The following RRBP1 variants were observed in gnomAD, a reference collection of about 807,000 sequenced individuals.
RRBP1 encodes ribosome binding protein 1.
Under a neutral mutation model 165.2 loss-of-function variants are expected in RRBP1, and 94 were observed. The ratio of observed to expected loss-of-function variants is 0.57; its 90% CI spans 0.48 to 0.68. The LOEUF (loss-of-function observed/expected upper bound fraction) is 0.68, where lower values mean the gene tolerates loss of function less well. Ranked by LOEUF, RRBP1 falls within the 30% of genes least tolerant of loss-of-function variation. RRBP1 has a pLI of 0.00. For synonymous variants in RRBP1, 680 were observed against 714.5 expected (o/e 0.95, Z 0.77); for missense variants, 1,676 against 1,763.0 (o/e 0.95, Z 0.88).
Position 17,629,827 on chromosome 20 carries a change from C to G in RRBP1, c.2745G>C (p.Met915Ile). ...AEKAQEQQQQMAELHSKLQSS... is the reference protein window; with the variant it reads ...AEKAQEQQQQIAELHSKLQSS... ...CCCCACTGCCGCCGCCCTTACCGGC[C>G]ATCTGCTGCTGTTGCTCCTGGGCCT... The change falls in exon 9 of 25, where the codon ATG (methionine) becomes ATC (isoleucine). Residue 915 changes from methionine to isoleucine, a missense_variant. Transcript: ENST00000377813. 6.3e-7 allele frequency: 1 copy of G among 1,597,222 alleles called. No individual in the cohort carries two copies.
At chr20:17,615,555 G>A in intron 22 of RRBP1, 26 bp from the exon 23 acceptor site, 1 of 1,568,142 alleles carries the variant, frequency 6.4e-7, no homozygotes, top group Non-Finnish European at 8.6e-7. Flanking sequence ...AGTGAGGTCT[G>A]GGTGAGACGT....
chr20:17,628,868 T>C (rs191645294), intron 9 of RRBP1, among the ~76,000 whole-genome samples: 42 of 152,384 alleles, frequency 2.8e-4, no homozygotes, highest in Non-Finnish European at 5.9e-4. Context: ...GAAGCTTTCT[T>C]TGAACACAGC....
Position 17,660,086 on chromosome 20 carries a change from T to C in RRBP1, c.422A>G (p.Lys141Arg). ...CACTTTTGCCACTTTTTTCTCCTTC[T>C]TCTTTTTGTCCTTGGGGGAGGAGGC... The part of the protein sequence containing the change: ...KLASSPKDKK[K>R]KEKKVAKVEP... The change falls in exon 3 of 25, where the codon AAG becomes AGG. Residue 141 changes from lysine to arginine, a missense_variant. This residue lies in a region of RRBP1 where 392 missense variants were observed against 382.5 expected (regional missense o/e 1.02). Coordinates refer to ENST00000377813, the MANE Select transcript of RRBP1 (RefSeq NM_001365613.2). The C allele has an allele frequency of 1.2e-6, 2 of 1,614,134 alleles. No individual in the cohort carries two copies. Among genetic ancestry groups the C allele is most frequent in the South Asian group, 1.1e-5 (1 of 91,060 alleles).
intron 20 of RRBP1, among the ~76,000 whole-genome samples, 158 bp from the exon 21 acceptor site, chr20:17,616,997 C>A (rs905535726): frequency 6.6e-6 from 1 of 152,180 alleles, no homozygotes; most frequent in Non-Finnish European, 1.5e-5. Context: ...TCTGGCCACC[C>A]CCGCCGCCAA....
At chr20:17,622,955 G>A (rs2035943400) in intron 13 of RRBP1, 1 of 152,228 alleles carries the variant, frequency 6.6e-6, no homozygotes, top group Non-Finnish European at 1.5e-5. Context: ...CCTCTGGCCT[G>A]ACGCACACCT....
chr20:17,635,526 G>T lies in RRBP1; in HGVS notation c.2456+20C>A. On this transcript the variant is annotated intron_variant, in intron 7 of 24. Transcript: ENST00000377813. ...TCCAGGGCCCTTGGGGAGGTGCTGA[G>T]GCAGGAAAGCTCAGCTTACTTGCTC... 6.4e-7 allele frequency: 1 copy of T among 1,571,048 alleles called. No individual in the cohort carries two copies. Among genetic ancestry groups the T allele is most frequent in the South Asian group, 1.1e-5 (1 of 89,058 alleles).
At chr20:17,651,546 CAATA>C (rs2036558051) in intron 3 of RRBP1, among the ~76,000 whole-genome samples, 1 of 152,154 alleles carries the variant, frequency 6.6e-6, no homozygotes. Flanking sequence ...TTCGCAGGTG[CAATA>C]CGGAAAGATG....
In RRBP1 at chr20:17,658,705, C is replaced by T. The variant is rs886363640; in HGVS notation, c.1803G>A (p.Glu601=). ...DAAANQGKKT[E]SASVQGRNTD... is the part of the protein sequence containing the mutation. The stretch of plus-strand genomic sequence containing the variant: ...TATTTCTGCCCTGGACAGAAGCTGA[C>T]TCTGTCTTTTTACCCTGATTGGCAG... The change falls in exon 3 of 25, where the codon GAG becomes GAA. Residue 601 remains glutamate, a synonymous_variant. Transcript: ENST00000377813. 4.3e-6 allele frequency: 7 copies of T among 1,614,136 alleles called. No individual in the cohort carries two copies. The highest frequency in any genetic ancestry group is 1.3e-5 in the African/African-American group (1 of 74,936).
At chr20:17,641,746 C>CCTCTGAGG in intron 5 of RRBP1, 51 bp downstream of exon 5, 3 of 1,603,992 alleles carry the variant, frequency 1.9e-6, no homozygotes, top group Non-Finnish European at 2.6e-6. Context: ...GGGCGGGGGT[C>CCTCTGAGG]CTCTGAGGAC....
At chr20:17,615,350 TG>T in intron 23 of RRBP1, 80 bp downstream of exon 23, 2 of 1,163,222 alleles carry the variant, frequency 1.7e-6, no homozygotes, top group South Asian at 1.4e-5. Context: ...CTCCCCTTCC[TG>T]GCCCCTTTCC....
chr20:17,618,442 C>T (rs6105783), intron 20 of RRBP1, among the ~76,000 whole-genome samples, 154 bp downstream of exon 20: 9,817 of 152,256 alleles, frequency 0.064, 605 homozygotes, highest in African/African-American at 0.16. Context: ...GCAGGAAGGC[C>T]CCCAGAAGCC....
chr20:17,648,560 A>T (rs374139065), intron 3 of RRBP1, among the ~76,000 whole-genome samples: 1 of 152,266 alleles, frequency 6.6e-6, no homozygotes, highest in Non-Finnish European at 1.5e-5. Flanking sequence ...AGCTCAGTAC[A>T]AATAATGTCA....
In RRBP1 at chr20:17,658,878, G is replaced by A. The variant is rs1600768940; in HGVS notation, c.1630C>T (p.Pro544Ser). The A allele has an allele frequency of 1.2e-6, 2 of 1,613,566 alleles. No homozygotes were observed. The highest frequency in any genetic ancestry group is 8.5e-7 in the Non-Finnish European group (1 of 1,179,862). Residue 544 changes from proline (P) to serine (S), a missense_variant, in exon 3 of 25, where the codon CCC (proline) becomes TCC (serine). By Grantham distance (74) the Pro-to-Ser change is moderately conservative (BLOSUM62 -1). Transcript: ENST00000377813. ...PNQGKKGEGA[P>S]IQGKKADSVA... is the part of the protein sequence containing the mutation. ...GAATCTGCCTTTTTGCCCTGGATGG[G>A]AGCTCCCTCTCCTTTTTTGCCTTGG... is the stretch of plus-strand genomic sequence containing the variant.
chr20:17,615,467 T>A lies in RRBP1; in HGVS notation c.4014A>T (p.Leu1338=), dbSNP rs1283892265. Residue 1338 remains leucine, a synonymous_variant, in exon 23 of 25, where the codon CTA becomes CTT. Coordinates refer to ENST00000377813, the MANE Select transcript of RRBP1 (RefSeq NM_001365613.2). ...AGGCCTCCTCTGTTTCTGAAGACTC[T>A]AGGGGGCCGGCTGTGCGGAGCTTCT... ...ELEKLRTAGP[L]ESSETEEASQ... The A allele has an allele frequency of 6.2e-7, 1 of 1,609,648 alleles. No homozygotes were observed. The highest frequency in any genetic ancestry group is 8.5e-7 in the Non-Finnish European group (1 of 1,178,404).
intron 21 of RRBP1, among the ~76,000 whole-genome samples, 184 bp downstream of exon 21, chr20:17,616,548 C>G (rs1023940733): frequency 1.2e-4 from 18 of 152,208 alleles, no homozygotes; most frequent in South Asian, 2.1e-4. Context: ...ACCTGGCCAC[C>G]TTTCTGTTCC....
At chr20:17,619,578 G>C in intron 19 of RRBP1, 55 bp downstream of exon 19, 2 of 1,321,852 alleles carry the variant, frequency 1.5e-6, no homozygotes, top group Admixed American at 2.0e-5. Context: ...AAGCAGCTCA[G>C]GGAGGACCGC....
intron 12 of RRBP1, among the ~76,000 whole-genome samples, chr20:17,624,884 G>C (rs566050318): frequency 6.6e-6 from 1 of 152,346 alleles, no homozygotes; most frequent in Non-Finnish European, 1.5e-5. Context: ...GCATGGCACA[G>C]GGTGAAGAGG....
chr20:17,658,514 C>G, intron 3 of RRBP1, 82 bp downstream of exon 3: 1 of 1,200,266 alleles, frequency 8.3e-7, no homozygotes, highest in Non-Finnish European at 1.2e-6. Flanking sequence ...CTGACTGATA[C>G]AGGTGGCACT....
At position 17,659,790 on chromosome 20, in the gene RRBP1, T is replaced by G. The variant is rs2036724722; in HGVS notation, c.718A>C (p.Lys240Gln). ...KKTEGTPNQG[K>Q]KAEGTPNQGK... ...TGGTTTGGGGTTCCCTCTGCCTTTT[T>G]CCCTTGGTTTGGGGTTCCCTCTGTC... Residue 240 changes from lysine to glutamine, a missense_variant, in exon 3 of 25, where the codon AAA (lysine) becomes CAA (glutamine). Physicochemically the swap from Lys to Gln is moderately conservative, Grantham distance 53. This residue lies in a region of RRBP1 where 392 missense variants were observed against 382.5 expected (regional missense o/e 1.02). Coordinates refer to ENST00000377813, the MANE Select transcript of RRBP1 (RefSeq NM_001365613.2). The G allele has an allele frequency of 6.4e-7, 1 of 1,550,812 alleles. No homozygotes were observed. The highest frequency in any genetic ancestry group is 8.7e-7 in the Non-Finnish European group (1 of 1,146,948).
Sources: gnomAD v4.1 joint callset for allele counts (sites outside exome capture counted in the v4.1 genomes callset) on GRCh38, gnomAD v4.1.1 for gene constraint, gnomAD v4.1.1 regional missense constraint, MANE v1.5 for transcripts, NCBI Gene and HGNC (gene_info 2026-07-23, HGNC 2026-07-21) for gene names.